SLC5A1: variants seen among roughly 807,000 people sequenced by gnomAD.
The protein encoded by SLC5A1 is sodium/glucose cotransporter 1.
SLC5A1 carries 42 observed loss-of-function variants against 73.5 expected under a neutral mutation model. That is an observed-to-expected ratio of 0.57 (90% CI 0.45 to 0.74). SLC5A1 has a LOEUF of 0.74. Among genes scored for constraint, SLC5A1 ranks in the 30% least tolerant of loss-of-function variants. The pLI is 0.00. For synonymous variants in SLC5A1, 300 were observed against 317.4 expected, an observed-to-expected ratio of 0.95 and a Z score of 0.58; for missense variants, 634 against 855.4, an observed-to-expected ratio of 0.74 and a Z score of 3.23.
intron 1 of SLC5A1, among the ~76,000 whole-genome samples, chr22:32,049,154 T>TATATATAATCATTATA (rs1569298691): frequency 2.3e-5 from 3 of 130,276 alleles, no homozygotes; most frequent in South Asian, 2.3e-4. Context: ...ATAATCTATA[T>TATATATAATCATTATA]TATATATAAT....
At chr22:32,054,890 G>T (rs887521539) in intron 2 of SLC5A1, among the ~76,000 whole-genome samples, 1 of 152,080 alleles carries the variant, frequency 6.6e-6, no homozygotes, top group African/African-American at 2.4e-5. Flanking sequence ...GGCCGGGCTG[G>T]TCTTGAACTC....
chr22:32,063,105 A>G (rs1169005772), intron 2 of SLC5A1, among the ~76,000 whole-genome samples: 1 of 152,092 alleles, frequency 6.6e-6, no homozygotes, highest in African/African-American at 2.4e-5. Flanking sequence ...AAGGACACCA[A>G]TCCTATCAGA....
chr22:32,078,416 C>A (rs528577130), intron 5 of SLC5A1, among the ~76,000 whole-genome samples: 1 of 152,042 alleles, frequency 6.6e-6, no homozygotes, highest in Non-Finnish European at 1.5e-5. Context: ...TACAGGCATG[C>A]GCCACCACAC....
At chr22:32,107,821 AT>A (rs1014940524) in intron 14 of SLC5A1, among the ~76,000 whole-genome samples, 2 of 152,106 alleles carry the variant, frequency 1.3e-5, no homozygotes, top group African/African-American at 4.8e-5. Context: ...ATCTTTAGGG[AT>A]TTTACAGACC....
chr22:32,082,027 T>C lies in SLC5A1; in HGVS notation c.583+56T>C, dbSNP rs937426185. On this transcript the variant is annotated intron_variant, in intron 6 of 14. Coordinates refer to ENST00000266088, the MANE Select transcript of SLC5A1 (RefSeq NM_000343.4). ...AACCCAGCTCGGGATCAGGCACTAGTGAAGGATAAAGGGAAGTAGGAGAGG... is the reference window on the plus strand; with the variant it reads ...AACCCAGCTCGGGATCAGGCACTAGCGAAGGATAAAGGGAAGTAGGAGAGG... 5 of 1,105,522 alleles carry C rather than the reference T, an allele frequency of 4.5e-6. No homozygotes were observed. The African/African-American group carries it at 4.6e-5, about 10-fold the overall frequency. The allele number at this position is 1,105,522 out of a possible 1,614,324, so 68.5% of individuals were successfully genotyped here.
rs1433171716 is a variant in SLC5A1, at chr22:32,043,568, A to T, written c.135+152A>T. On this transcript the variant is annotated intron_variant, in intron 1 of 14. Transcript: ENST00000266088. The surrounding 1 kb of genome is among the most constrained non-coding windows in gnomAD (Gnocchi z 6.5). ...CTTTAGAAGCACTCAGAGGCACAGC[A>T]TGAAGGGAGGAGGGCAAGCAAGGAT... The T allele has an allele frequency of 2.3e-6, 2 of 855,586 alleles. No homozygotes were observed. Among genetic ancestry groups the T allele is most frequent in the African/African-American group, 3.3e-5 (2 of 59,924 alleles). The allele number at this position is 855,586 out of a possible 1,614,324, so 53.0% of individuals were successfully genotyped here.
intron 1 of SLC5A1, 101 bp from the exon 2 acceptor site, chr22:32,049,842 G>A: frequency 1.1e-6 from 1 of 893,708 alleles, no homozygotes; most frequent in Non-Finnish European, 1.9e-6. Context: ...TCAGAAAGTG[G>A]AGTGGGTAGA....
intron 10 of SLC5A1, among the ~76,000 whole-genome samples, chr22:32,088,976 A>AT (rs934176583): frequency 4.6e-5 from 7 of 152,304 alleles, no homozygotes; most frequent in African/African-American, 1.7e-4. Context: ...ATAGACCATT[A>AT]TTTTTTGCCT....
chr22:32,095,396 G>C (rs1214705380), intron 11 of SLC5A1, among the ~76,000 whole-genome samples: 1 of 152,124 alleles, frequency 6.6e-6, no homozygotes, highest in Non-Finnish European at 1.5e-5. Flanking sequence ...TTGTTCCTTT[G>C]TTGACTTTCT....
intron 1 of SLC5A1, among the ~76,000 whole-genome samples, chr22:32,045,746 G>T (rs1391777571): frequency 6.6e-6 from 1 of 152,080 alleles, no homozygotes; most frequent in Non-Finnish European, 1.5e-5. Context: ...CCACCTATCA[G>T]TTTGTTTCTT....
chr22:32,054,530 G>C (rs1466953223), intron 2 of SLC5A1, among the ~76,000 whole-genome samples: 1 of 152,204 alleles, frequency 6.6e-6, no homozygotes, highest in Non-Finnish European at 1.5e-5. Context: ...TGAATGATCA[G>C]AAGGAGCCAG....
intron 2 of SLC5A1, among the ~76,000 whole-genome samples, chr22:32,066,553 G>C (rs2093973610): frequency 6.6e-6 from 1 of 152,176 alleles, no homozygotes; most frequent in Non-Finnish European, 1.5e-5. Flanking sequence ...AGGCATGCTG[G>C]GGGATATGGA....
intron 5 of SLC5A1, 23 bp from the exon 6 acceptor site, chr22:32,081,843 C>G: frequency 6.5e-7 from 1 of 1,534,008 alleles, no homozygotes; most frequent in Non-Finnish European, 9.0e-7. Context: ...TCCCTCCTAA[C>G]TCCGCCTCTC....
intron 11 of SLC5A1, among the ~76,000 whole-genome samples, chr22:32,092,753 G>A (rs903921145): frequency 1.2e-4 from 18 of 152,124 alleles, no homozygotes; most frequent in Admixed American, 9.2e-4. Flanking sequence ...CCACTGTGTG[G>A]GTTGCCCGTT....
At chr22:32,049,841 G>A (rs1368829896) in intron 1 of SLC5A1, 102 bp from the exon 2 acceptor site, 1 of 890,928 alleles carries the variant, frequency 1.1e-6, no homozygotes, top group South Asian at 1.3e-5. Flanking sequence ...TTCAGAAAGT[G>A]GAGTGGGTAG....
intron 5 of SLC5A1, among the ~76,000 whole-genome samples, chr22:32,070,592 C>T (rs2093981420): frequency 6.6e-6 from 1 of 152,086 alleles, no homozygotes; most frequent in South Asian, 2.1e-4. Context: ...CCTCAGCCAC[C>T]TAAAGTGTTG....
intron 9 of SLC5A1, among the ~76,000 whole-genome samples, chr22:32,085,751 C>T (rs1214172105): frequency 6.6e-6 from 1 of 151,656 alleles, no homozygotes; most frequent in Non-Finnish European, 1.5e-5. Context: ...GCCAGCAGGG[C>T]GGGGCAGGCA....
chr22:32,067,601 G>C (rs922326383), intron 3 of SLC5A1, among the ~76,000 whole-genome samples: 3 of 151,766 alleles, frequency 2.0e-5, no homozygotes, highest in African/African-American at 7.3e-5. Context: ...TGAACTCCTG[G>C]CCTCTAATAA....
intron 1 of SLC5A1, among the ~76,000 whole-genome samples, chr22:32,047,882 C>T (rs1227746501): frequency 1.3e-5 from 2 of 152,070 alleles, no homozygotes; most frequent in Non-Finnish European, 2.9e-5. Flanking sequence ...AGACATCGGC[C>T]GGGCATGGTG....
Sources: gnomAD v4.1 joint callset for allele counts (sites outside exome capture counted in the v4.1 genomes callset) on GRCh38, gnomAD v4.1.1 for gene constraint, Gnocchi (gnomAD v3.1) non-coding constraint, MANE v1.5 for transcripts, NCBI Gene and HGNC (gene_info 2026-07-23, HGNC 2026-07-21) for gene names.